The following N4BP2L2 variants were observed in gnomAD, a reference collection of about 807,000 sequenced individuals.
The protein encoded by N4BP2L2 is NEDD4-binding protein 2-like 2.
In N4BP2L2, 50 loss-of-function variants were observed where a neutral mutation model predicts 56.2. That is an observed-to-expected ratio of 0.89 (90% CI 0.71 to 1.13). The LOEUF (loss-of-function observed/expected upper bound fraction) is 1.13, where lower values mean the gene tolerates loss of function less well. Among genes scored for constraint, N4BP2L2 ranks in the 50% most tolerant of loss-of-function variants. The pLI, the probability that N4BP2L2 is intolerant of heterozygous loss-of-function variation, is 0.00. For synonymous variants in N4BP2L2, 203 were observed against 223.6 expected (o/e 0.91, Z 0.82); for missense variants, 689 against 693.8 (o/e 0.99, Z 0.08).
intron 6 of N4BP2L2, among the ~76,000 whole-genome samples, chr13:32,467,745 T>C (rs2081491412): frequency 6.6e-6 from 1 of 151,306 alleles, no homozygotes; most frequent in African/African-American, 2.4e-5. Context: ...TCCGAGCACT[T>C]TGGGAGGCCA....
chr13:32,511,604 A>G lies in N4BP2L2; in HGVS notation c.*6198T>C, dbSNP rs575471626. 3 of 152,344 alleles carry G rather than the reference A, an allele frequency of 2.0e-5. 1 individual carries two copies. The East Asian group carries it at 5.8e-4, about 29-fold the overall frequency. 9.4% of individuals were successfully genotyped at this position (152,344 alleles called of 1,614,324 possible). A position where few individuals can be genotyped will look rare whatever the true frequency, so the allele number is the denominator to read the frequency against. On this transcript the variant is annotated 3_prime_UTR_variant, in exon 6 of 6. Transcript: ENST00000267068. ...CCCACAGGGTCAGGAAACTAAATGC[A>G]GAGCTGTGGTGTATAAGTTTAACTT...
chr13:32,437,915 T>C (rs1352391997), intron 8 of N4BP2L2, among the ~76,000 whole-genome samples: 4 of 152,230 alleles, frequency 2.6e-5, no homozygotes, highest in East Asian at 3.8e-4. Context: ...CCCATCCATA[T>C]ATATCCTTTT....
At chr13:32,472,191 G>A (rs1456910805) in intron 6 of N4BP2L2, among the ~76,000 whole-genome samples, 2 of 152,218 alleles carry the variant, frequency 1.3e-5, no homozygotes, top group African/African-American at 4.8e-5. Context: ...CACATCACAA[G>A]TGACCAAGAG....
At chr13:32,448,660 C>A (rs2077398548) in intron 6 of N4BP2L2, among the ~76,000 whole-genome samples, 1 of 151,964 alleles carries the variant, frequency 6.6e-6, no homozygotes, top group Non-Finnish European at 1.5e-5. Flanking sequence ...CCAGATAAAG[C>A]TGAAGAAAGC....
intron 8 of N4BP2L2, among the ~76,000 whole-genome samples, chr13:32,437,607 A>C (rs2075675256): frequency 6.6e-6 from 1 of 152,204 alleles, no homozygotes; most frequent in African/African-American, 2.4e-5. Context: ...GAAAATGAAC[A>C]GCCCTCAGAA....
At chr13:32,488,282 T>G (rs2086320259) in intron 6 of N4BP2L2, among the ~76,000 whole-genome samples, 2 of 152,184 alleles carry the variant, frequency 1.3e-5, no homozygotes, top group South Asian at 4.1e-4. Flanking sequence ...CTGGAGGCCA[T>G]AATCCTAAAC....
At chr13:32,438,735 A>C (rs1211300275) in exon 8 of N4BP2L2, 2 of 1,604,516 alleles carry the variant, frequency 1.2e-6, no homozygotes, top group Non-Finnish European at 1.7e-6. Flanking sequence ...GGCAACAAGG[A>C]TTCTGTGAAA....
chr13:32,530,289 A>G (rs1480153314), intron 2 of N4BP2L2, among the ~76,000 whole-genome samples: 2 of 152,202 alleles, frequency 1.3e-5, no homozygotes, highest in African/African-American at 4.8e-5. Flanking sequence ...ATATTTTTCA[A>G]ATTCCGTGAA....
Position 32,497,927 on chromosome 13 carries a change from A to G in N4BP2L2, c.365+19930T>C, listed in dbSNP as rs78165572. ...AGTCCATGAAGTTTGCTACTGATCC[A>G]CAAGTACAGAAATTGAGAATAAGTA... On this transcript the variant is annotated intron_variant, in intron 6 of 9. Coordinates refer to the N4BP2L2 transcript ENST00000357505. 5.8e-4 allele frequency among the ~76,000 whole-genome samples: 88 copies of G among 152,290 alleles called. 2 individuals are homozygous for G. The highest frequency in any genetic ancestry group is 3.5e-3 in the Admixed American group (53 of 15,302).
rs1330285418 is a variant in N4BP2L2, at chr13:32,533,869, T to C, written c.1259+1900A>G. 2.0e-5 allele frequency among the ~76,000 whole-genome samples: 3 copies of C among 152,188 alleles called. No homozygotes were observed. The East Asian group carries it at 5.8e-4, about 29-fold the overall frequency. ...TTCCTCACCAAAGAATATATGACTT[T>C]ATATCTAATTCCAAATAACCAACAC... On this transcript the variant is annotated intron_variant, in intron 2 of 5. Transcript: ENST00000267068.
intron 6 of N4BP2L2, among the ~76,000 whole-genome samples, chr13:32,488,429 A>C (rs1226043210): frequency 1.3e-5 from 2 of 152,222 alleles, no homozygotes; most frequent in Non-Finnish European, 2.9e-5. Flanking sequence ...ATGAGGATGC[A>C]TAGTGAATAC....
intron 6 of N4BP2L2, chr13:32,478,346 C>T (rs1316011502): frequency 4.0e-6 from 1 of 251,848 alleles, no homozygotes; most frequent in Non-Finnish European, 8.0e-6. Flanking sequence ...CTATATAACG[C>T]AATTTCTTAC....
intron 6 of N4BP2L2, among the ~76,000 whole-genome samples, chr13:32,465,373 T>G (rs1209833508): frequency 6.6e-6 from 1 of 152,172 alleles, no homozygotes; most frequent in African/African-American, 2.4e-5. Flanking sequence ...GTTACCACCC[T>G]AAAACTCAGC....
chr13:32,522,210 G>A (rs1268146703), exon 4 of N4BP2L2: 1 of 1,569,098 alleles, frequency 6.4e-7, no homozygotes, highest in African/African-American at 1.4e-5. Flanking sequence ...CATTTCCCAA[G>A]CTTGTATATT....
At chr13:32,438,586 T>G in intron 8 of N4BP2L2, 1 of 1,318,476 alleles carries the variant, frequency 7.6e-7, no homozygotes, top group Admixed American at 2.0e-5. Flanking sequence ...GCAACAAGAA[T>G]GAAACTCCGT....
exon 6 of N4BP2L2, chr13:32,514,328 CA>C (rs978002603): frequency 1.3e-5 from 2 of 152,018 alleles, no homozygotes; most frequent in Non-Finnish European, 2.9e-5. Flanking sequence ...TCATTTACCA[CA>C]AAAAAGTAAC....
chr13:32,510,197 A>G (rs1190231941), downstream of N4BP2L2: 1 of 152,164 alleles, frequency 6.6e-6, no homozygotes, highest in African/African-American at 2.4e-5. Flanking sequence ...GTGGACATAA[A>G]AGAAAAGTAA....
intron 5 of N4BP2L2, among the ~76,000 whole-genome samples, chr13:32,519,631 C>G (rs905818536): frequency 1.3e-5 from 2 of 151,932 alleles, no homozygotes; most frequent in South Asian, 4.2e-4. Flanking sequence ...GCCTGGGAAA[C>G]AAAATGAGAC....
At chr13:32,474,821 C>T (rs1473854965) in intron 6 of N4BP2L2, among the ~76,000 whole-genome samples, 1 of 152,170 alleles carries the variant, frequency 6.6e-6, no homozygotes, top group Admixed American at 6.5e-5. Flanking sequence ...ACTTAAGTAG[C>T]ATTTAAAGGA....
Sources: allele counts gnomAD v4.1 joint callset (sites outside exome capture counted in the v4.1 genomes callset), GRCh38; gene constraint gnomAD v4.1.1; transcripts MANE v1.5; gene names NCBI Gene and HGNC (gene_info 2026-07-23, HGNC 2026-07-21).